The following ADGRL3 variants were observed in gnomAD, a reference collection of about 807,000 sequenced individuals.
The protein encoded by ADGRL3 is calcium-independent alpha-latrotoxin receptor 3.
ADGRL3 carries 62 observed loss-of-function variants against 153.5 expected under a neutral mutation model. The ratio of observed to expected loss-of-function variants is 0.40; its 90% CI spans 0.33 to 0.50. ADGRL3 has a LOEUF of 0.50. Among genes scored for constraint, ADGRL3 ranks in the 20% least tolerant of loss-of-function variants. The pLI is 0.47. For missense variants in ADGRL3, 1,641 were observed against 1,859.4 expected (o/e 0.88, Z 2.16); for synonymous variants, 710 against 672.5 (o/e 1.06, Z -0.86).
At chr4:61,634,972 A>C (rs1297805880) in intron 5 of ADGRL3, among the ~76,000 whole-genome samples, 1 of 152,134 alleles carries the variant, frequency 6.6e-6, no homozygotes, top group Non-Finnish European at 1.5e-5. Context: ...ATTCATCTTC[A>C]CTGAGAACTC....
intron 2 of ADGRL3, among the ~76,000 whole-genome samples, chr4:61,476,598 A>G (rs777394562): frequency 6.7e-6 from 1 of 149,138 alleles, no homozygotes; most frequent in Non-Finnish European, 1.5e-5. Flanking sequence ...GATCCCAGCT[A>G]CTTGGGAGGA....
chr4:61,275,026 T>C (rs1370166767), intron 1 of ADGRL3, among the ~76,000 whole-genome samples: 1 of 152,186 alleles, frequency 6.6e-6, no homozygotes, highest in Admixed American at 6.6e-5. Context: ...AGTCACTTTC[T>C]TTTTCTAGGG....
At chr4:61,380,934 C>T (rs1013385578) in intron 1 of ADGRL3, among the ~76,000 whole-genome samples, 12 of 151,968 alleles carry the variant, frequency 7.9e-5, no homozygotes, top group Non-Finnish European at 1.2e-4. Context: ...CCTTTTCCTG[C>T]CCTTCTTGCA....
chr4:61,629,578 G>A (rs372406406), intron 5 of ADGRL3, among the ~76,000 whole-genome samples: 15 of 151,136 alleles, frequency 9.9e-5, no homozygotes, highest in African/African-American at 3.4e-4. Context: ...TTAGCTGGGT[G>A]TGGTAGTGGA....
At chr4:61,668,924 T>A (rs2094898195) in intron 5 of ADGRL3, among the ~76,000 whole-genome samples, 1 of 152,032 alleles carries the variant, frequency 6.6e-6, no homozygotes, top group Non-Finnish European at 1.5e-5. Context: ...GAGGCTGAAG[T>A]AAGAGGATAG....
chr4:61,415,003 T>C (rs1422040485), intron 2 of ADGRL3, among the ~76,000 whole-genome samples: 1 of 151,964 alleles, frequency 6.6e-6, no homozygotes, highest in Non-Finnish European at 1.5e-5. Context: ...GCAAACTATA[T>C]TGTGTCTAAA....
At chr4:61,758,159 G>T (rs2096861513) in intron 8 of ADGRL3, among the ~76,000 whole-genome samples, 1 of 152,242 alleles carries the variant, frequency 6.6e-6, no homozygotes, top group South Asian at 2.1e-4. Flanking sequence ...TCAATTCCTG[G>T]AAATCCCTGT....
rs1028894886 is a variant in ADGRL3 at position 62,071,410 on chromosome 4, T to C, written c.*502T>C. ...ACTCACAACCTGAATTCACCACAGCTGGAATAGCTGTGGAAAACAAAATAA... is the reference window on the plus strand; with the variant it reads ...ACTCACAACCTGAATTCACCACAGCCGGAATAGCTGTGGAAAACAAAATAA... On this transcript the variant is annotated 3_prime_UTR_variant, in exon 27 of 27. Coordinates refer to ENST00000683033, the MANE Select transcript of ADGRL3 (RefSeq NM_001387552.1). 25 of 168,664 alleles carry C rather than the reference T, an allele frequency of 1.5e-4. No individual in the cohort carries two copies. In the East Asian group the frequency reaches 4.2e-3, roughly 29 times the overall value. 10.4% of individuals were successfully genotyped at this position (168,664 alleles called of 1,614,324 possible). A position where few individuals can be genotyped will look rare whatever the true frequency, so the allele number is the denominator to read the frequency against.
chr4:61,946,946 A>G lies in ADGRL3; in HGVS notation c.2452A>G (p.Asn818Asp). 1 of 1,613,856 alleles carries G rather than the reference A, an allele frequency of 6.2e-7. No homozygotes were observed. Among genetic ancestry groups the G allele is most frequent in the Non-Finnish European group, 8.5e-7 (1 of 1,179,816 alleles). Reference protein sequence around the residue: ...EIRVAFVLYNNLGPYLSTENA... With the variant: ...EIRVAFVLYNDLGPYLSTENA... ...CAGAGTGGCCTTTGTCCTGTATAAC[A>G]ACTTGGGTCCTTATTTATCCACGGA... Residue 818 changes from asparagine to aspartate, a missense_variant, in exon 16 of 27, where the codon AAC (asparagine) becomes GAC (aspartate). Coordinates refer to ENST00000683033, the MANE Select transcript of ADGRL3 (RefSeq NM_001387552.1).
In ADGRL3 at chr4:61,203,340, G is replaced by A. The variant is rs190894901; in HGVS notation, c.-240+1575G>A. Among the ~76,000 whole-genome samples, 83 of 152,310 alleles carry A rather than the reference G, an allele frequency of 5.4e-4. No individual in the cohort carries two copies. In the East Asian group the frequency reaches 0.013, roughly 23 times the overall value. On this transcript the variant is annotated intron_variant, in intron 1 of 26. Coordinates refer to ENST00000683033, the MANE Select transcript of ADGRL3 (RefSeq NM_001387552.1). ...GTGATCCCTGCCTGCGGTAGTTAGA[G>A]CACATTGTAAACAACGGTGTAAGCA...
At chr4:61,696,769 G>A (rs567309370) in intron 6 of ADGRL3, among the ~76,000 whole-genome samples, 6 of 138,906 alleles carry the variant, frequency 4.3e-5, no homozygotes, top group South Asian at 4.8e-4. Flanking sequence ...TCTACCTCCC[G>A]GGTTCAAGCA....
chr4:61,636,140 C>T lies in ADGRL3; in HGVS notation c.474-40686C>T, dbSNP rs73825903. On this transcript the variant is annotated intron_variant, in intron 5 of 26. Coordinates refer to ENST00000683033, the MANE Select transcript of ADGRL3 (RefSeq NM_001387552.1). ...CTAACTCATTGGACTGTACTGTCAA[C>T]CTGTCTGAACAAATGATATACTTTT... 4.2e-3 allele frequency among the ~76,000 whole-genome samples: 638 copies of T among 152,232 alleles called. 3 individuals are homozygous for T. The highest frequency in any genetic ancestry group is 0.015 in the African/African-American group (609 of 41,546).
At chr4:61,816,800 G>A (rs1580973232) in intron 9 of ADGRL3, among the ~76,000 whole-genome samples, 1 of 152,186 alleles carries the variant, frequency 6.6e-6, no homozygotes, top group African/African-American at 2.4e-5. Flanking sequence ...CCAGGAACAG[G>A]CACCCCCTAC....
At chr4:61,248,952 A>C (rs1201039325) in intron 1 of ADGRL3, among the ~76,000 whole-genome samples, 9 of 152,162 alleles carry the variant, frequency 5.9e-5, no homozygotes, top group Non-Finnish European at 8.8e-5. Context: ...GCACAGCATA[A>C]AGCTTGAGTC....
intron 6 of ADGRL3, among the ~76,000 whole-genome samples, chr4:61,720,105 T>C (rs1447389465): frequency 7.9e-6 from 1 of 125,922 alleles, no homozygotes. Flanking sequence ...TTTTTTTTTT[T>C]CTGAGACAGA....
At chr4:61,646,356 G>A (rs1003283088) in intron 5 of ADGRL3, among the ~76,000 whole-genome samples, 97 of 151,888 alleles carry the variant, frequency 6.4e-4, no homozygotes, top group African/African-American at 2.3e-3. Flanking sequence ...AGGAGGAGAG[G>A]CACTCTGCTT....
intron 5 of ADGRL3, among the ~76,000 whole-genome samples, chr4:61,644,663 A>T (rs1580050319): frequency 6.6e-6 from 1 of 152,204 alleles, no homozygotes; most frequent in African/African-American, 2.4e-5. Context: ...GTTTGTTATA[A>T]TTTCTGTTCT....
chr4:62,046,518 T>C (rs982102220), intron 25 of ADGRL3, among the ~76,000 whole-genome samples: 1 of 151,980 alleles, frequency 6.6e-6, no homozygotes, highest in Non-Finnish European at 1.5e-5. Context: ...TATTAGTTTA[T>C]ATTGGCCGGT....
intron 4 of ADGRL3, among the ~76,000 whole-genome samples, chr4:61,545,165 G>C (rs553859618): frequency 6.6e-6 from 1 of 152,158 alleles, no homozygotes; most frequent in African/African-American, 2.4e-5. Context: ...AGTTTAAACG[G>C]AAGTCAGCAT....
Sources: allele counts gnomAD v4.1 joint callset (sites outside exome capture counted in the v4.1 genomes callset), GRCh38; gene constraint gnomAD v4.1.1; transcripts MANE v1.5; gene names NCBI Gene and HGNC (gene_info 2026-07-23, HGNC 2026-07-21).